The following PITPNC1 variants were observed in gnomAD, a reference collection of about 807,000 sequenced individuals.
PITPNC1 encodes phosphatidylinositol transfer protein cytoplasmic 1.
PITPNC1 carries 18 observed loss-of-function variants against 44.7 expected under a neutral mutation model. The observed-to-expected ratio is 0.40, with a 90% confidence interval of 0.28 to 0.60. The LOEUF (loss-of-function observed/expected upper bound fraction) is 0.60. PITPNC1 is among the 20% of genes least tolerant of loss of function. The pLI is 0.39. For missense variants in PITPNC1, 290 were observed against 418.4 expected, an observed-to-expected ratio of 0.69 and a Z score of 2.68; for synonymous variants, 141 against 149.6, an observed-to-expected ratio of 0.94 and a Z score of 0.42.
rs1212478832 is a variant in PITPNC1 at position 67,692,759 on chromosome 17, T to C, written c.870T>C (p.Val290=). 6.2e-7 allele frequency: 1 copy of C among 1,613,590 alleles called. No homozygotes were observed. The highest frequency in any genetic ancestry group is 8.5e-7 in the Non-Finnish European group (1 of 1,179,796). The change falls in exon 9 of 9, where the codon GTT becomes GTC. Residue 290 remains valine (V), a synonymous_variant. Coordinates refer to ENST00000581322, the MANE Select transcript of PITPNC1 (RefSeq NM_012417.4). ...CAGACGCACCCGAATTTCTGTCCGT[T>C]CCCAAAGATCGGCCCCGGAAAAAGT... ...LSTDAPEFLS[V]PKDRPRKKSA...
chr17:67,575,833 TCC>T (rs1236458585), intron 4 of PITPNC1, among the ~76,000 whole-genome samples: 1 of 101,688 alleles, frequency 9.8e-6, no homozygotes. Context: ...CTTCCTTCCT[TCC>T]TTCCTTCTTT....
intron 1 of PITPNC1, among the ~76,000 whole-genome samples, chr17:67,427,862 C>T (rs965482042): frequency 1.3e-5 from 2 of 152,202 alleles, no homozygotes; most frequent in African/African-American, 4.8e-5. Flanking sequence ...AATTCCAACT[C>T]TTGATATGAT....
At chr17:67,640,946 C>T (rs1312485643) in intron 6 of PITPNC1, among the ~76,000 whole-genome samples, 1 of 151,918 alleles carries the variant, frequency 6.6e-6, no homozygotes, top group African/African-American at 2.4e-5. Context: ...GCTGAGATCA[C>T]ACCATTGCAG....
intron 5 of PITPNC1, among the ~76,000 whole-genome samples, chr17:67,629,572 T>A (rs1409463403): frequency 6.6e-6 from 1 of 152,186 alleles, no homozygotes; most frequent in Non-Finnish European, 1.5e-5. Context: ...CCACTGTGCC[T>A]GGCCTCTGTG....
intron 8 of PITPNC1, chr17:67,687,271 G>A (rs12939664): frequency 0.076 from 56,239 of 737,164 alleles, 2,841 homozygotes; most frequent in Non-Finnish European, 0.097. Context: ...TGCCCGGTTC[G>A]CAACCTTCCA....
rs928401529 is a variant in PITPNC1 at position 67,692,757 on chromosome 17, G to A, written c.868G>A (p.Val290Ile). 1.1e-5 allele frequency: 17 copies of A among 1,613,580 alleles called. No individual in the cohort carries two copies. The highest frequency in any genetic ancestry group is 2.2e-5 in the East Asian group (1 of 44,888). ...CACAGACGCACCCGAATTTCTGTCCGTTCCCAAAGATCGGCCCCGGAAAAA... is the reference window on the plus strand; with the variant it reads ...CACAGACGCACCCGAATTTCTGTCCATTCCCAAAGATCGGCCCCGGAAAAA... ...LSTDAPEFLSVPKDRPRKKSA... is the reference protein window; with the variant it reads ...LSTDAPEFLSIPKDRPRKKSA... The change falls in exon 9 of 9, where the codon GTT becomes ATT. Residue 290 changes from valine (V) to isoleucine (I), a missense_variant. Coordinates refer to ENST00000581322, the MANE Select transcript of PITPNC1 (RefSeq NM_012417.4).
intron 1 of PITPNC1, among the ~76,000 whole-genome samples, chr17:67,503,051 C>T (rs1324646364): frequency 6.6e-6 from 1 of 152,140 alleles, no homozygotes; most frequent in Non-Finnish European, 1.5e-5. Flanking sequence ...CCACCTTGGC[C>T]TCCCAAAGTG....
Position 67,516,532 on chromosome 17 carries a change from C to T in PITPNC1, c.49-16270C>T, listed in dbSNP as rs2040260696. 3.3e-5 allele frequency among the ~76,000 whole-genome samples: 5 copies of T among 152,176 alleles called. No homozygotes were observed. The South Asian group carries it at 1.0e-3, about 31-fold the overall frequency. ...CTTTTAAGATGACTCTGTCATGCAT[C>T]TGCAGGGGTCCTAGTGAGGTAGTGA... On this transcript the variant is annotated intron_variant, in intron 1 of 8. Transcript: ENST00000581322.
At chr17:67,381,668 G>A (rs1297244237) in intron 1 of PITPNC1, among the ~76,000 whole-genome samples, 6 of 151,422 alleles carry the variant, frequency 4.0e-5, no homozygotes, top group East Asian at 2.0e-4. Context: ...GGGTTTCACC[G>A]TGTTAGCCAG....
At chr17:67,630,052 G>C (rs535722921) in intron 5 of PITPNC1, among the ~76,000 whole-genome samples, 2 of 152,138 alleles carry the variant, frequency 1.3e-5, no homozygotes, top group Non-Finnish European at 2.9e-5. Flanking sequence ...AGGACTAATC[G>C]TTTCAAGTAA....
chr17:67,383,286 A>C (rs565684404), intron 1 of PITPNC1, among the ~76,000 whole-genome samples: 54 of 152,294 alleles, frequency 3.5e-4, no homozygotes, highest in African/African-American at 1.1e-3. Context: ...TAGTAGGTGC[A>C]GTTAAGTTGT....
intron 1 of PITPNC1, among the ~76,000 whole-genome samples, chr17:67,529,477 A>G (rs1486125724): frequency 6.6e-6 from 1 of 152,234 alleles, no homozygotes; most frequent in Non-Finnish European, 1.5e-5. Flanking sequence ...TTCACATAAC[A>G]TAAAATCAAC....
intron 1 of PITPNC1, among the ~76,000 whole-genome samples, chr17:67,469,182 C>G (rs991559536): frequency 2.0e-5 from 3 of 152,124 alleles, no homozygotes; most frequent in African/African-American, 7.2e-5. Context: ...GCAATTTTCC[C>G]AGTCCCTGTA....
At chr17:67,549,113 G>A (rs745680003) in intron 2 of PITPNC1, among the ~76,000 whole-genome samples, 13 of 152,106 alleles carry the variant, frequency 8.5e-5, no homozygotes, top group South Asian at 2.1e-4. Flanking sequence ...AATACCTCTC[G>A]CGTCTGGCCT....
At chr17:67,505,345 T>TA (rs1273862167) in intron 1 of PITPNC1, among the ~76,000 whole-genome samples, 1 of 152,372 alleles carries the variant, frequency 6.6e-6, no homozygotes, top group East Asian at 1.9e-4. Context: ...TAGTTTAGTT[T>TA]AATTGTGCAT....
At chr17:67,526,116 G>T (rs2040388807) in intron 1 of PITPNC1, among the ~76,000 whole-genome samples, 1 of 152,054 alleles carries the variant, frequency 6.6e-6, no homozygotes, top group Admixed American at 6.5e-5. Flanking sequence ...TTTGGAAATG[G>T]TATTGGGACT....
chr17:67,387,258 C>T (rs1366397390), intron 1 of PITPNC1, among the ~76,000 whole-genome samples: 4 of 152,206 alleles, frequency 2.6e-5, no homozygotes, highest in Non-Finnish European at 4.4e-5. Context: ...GCCCCTGCTG[C>T]TCTCCTGGGT....
At chr17:67,679,198 C>T (rs1442774014) in intron 8 of PITPNC1, among the ~76,000 whole-genome samples, 1 of 152,366 alleles carries the variant, frequency 6.6e-6, no homozygotes, top group African/African-American at 2.4e-5. Context: ...AGAATCATAG[C>T]TGTCTGCAGG....
chr17:67,471,558 T>A, intron 1 of PITPNC1: 1 of 383,548 alleles, frequency 2.6e-6, no homozygotes, highest in South Asian at 2.0e-5. Context: ...CCACAATTAC[T>A]TTTGCACCAA....
Sources: allele counts gnomAD v4.1 joint callset (sites outside exome capture counted in the v4.1 genomes callset), GRCh38; gene constraint gnomAD v4.1.1; transcripts MANE v1.5; gene names NCBI Gene and HGNC (gene_info 2026-07-23, HGNC 2026-07-21).